Variants in BSDC1 observed in about 807,000 individuals in gnomAD.
BSDC1 encodes the protein BSD domain containing 1.
A neutral mutation model predicts 56.0 loss-of-function variants in BSDC1; 29 were observed. The observed-to-expected ratio is 0.52, with a 90% CI of 0.39 to 0.71. The LOEUF (loss-of-function observed/expected upper bound fraction) is 0.71, where lower values mean the gene tolerates loss of function less well. Among genes scored for constraint, BSDC1 ranks in the 30% least tolerant of loss-of-function variants. The pLI is 0.00. For missense variants in BSDC1, 477 were observed against 548.5 expected, an observed-to-expected ratio of 0.87 and a Z score of 1.30; for synonymous variants, 210 against 215.3, an observed-to-expected ratio of 0.98 and a Z score of 0.21.
At chr1:32,376,224 C>T (rs769959824) in intron 9 of BSDC1, 38 bp downstream of exon 9, 15 of 1,424,656 alleles carry the variant, frequency 1.1e-5, no homozygotes, top group African/African-American at 2.8e-5. Context: ...GTGGCCCTGA[C>T]CGCACACAAC....
rs1429475803 is a variant in BSDC1 at position 32,377,718 on chromosome 1, G to A, written c.676+252C>T. 6.1e-5 allele frequency among the ~76,000 whole-genome samples: 9 copies of A among 146,672 alleles called. No homozygotes were observed. In the East Asian group the frequency reaches 1.5e-3, roughly 25 times the overall value. On this transcript the variant is annotated intron_variant, in intron 8 of 10. Coordinates refer to ENST00000455895, the MANE Select transcript of BSDC1 (RefSeq NM_018045.8). ...TCAAGAAGCTCCCCAGTGACTAAGC[G>A]GCAGCTGGTTCATGGGCTGGCAGGG...
chr1:32,391,016 G>A (rs1431338666), intron 2 of BSDC1, among the ~76,000 whole-genome samples: 4 of 151,930 alleles, frequency 2.6e-5, no homozygotes, highest in Non-Finnish European at 4.4e-5. Context: ...AGTGGACAGA[G>A]CAATGGGCTG....
In BSDC1 at chr1:32,376,653, G is replaced by A. The variant is rs1642298039; in HGVS notation, c.765C>T (p.Gly255=). ...KISTFPEGEP[G]PQSPCEENLV... ...GATTCTCTTCACAGGGGCTCTGGGG[G>A]CCAGGTTCTCCTTCAGGGAATGTAG... Residue 255 remains glycine (G), a synonymous_variant, in exon 9 of 11, where the codon GGC becomes GGT. Transcript: ENST00000455895. The A allele has an allele frequency of 1.4e-6, 2 of 1,423,706 alleles. No individual in the cohort carries two copies. Among genetic ancestry groups the A allele is most frequent in the Non-Finnish European group, 9.3e-7 (1 of 1,076,558 alleles). The allele number at this position is 1,423,706 out of a possible 1,614,324, so 88.2% of individuals were successfully genotyped here.
chr1:32,368,121 C>T (rs552894786), intron 10 of BSDC1: 1 of 1,395,354 alleles, frequency 7.2e-7, no homozygotes, highest in East Asian at 2.7e-5. Flanking sequence ...ATCCTCCCAC[C>T]TTGGCCTCCC....
intron 3 of BSDC1, among the ~76,000 whole-genome samples, chr1:32,384,494 TAAAAGA>T (rs1444072305): frequency 6.6e-6 from 1 of 152,202 alleles, no homozygotes; most frequent in Non-Finnish European, 1.5e-5. Context: ...CCATGAAGAT[TAAAAGA>T]TAGGGTATGG....
At chr1:32,380,506 TGTG>T (rs1231560033) in intron 5 of BSDC1, among the ~76,000 whole-genome samples, 2 of 151,928 alleles carry the variant, frequency 1.3e-5, no homozygotes, top group Non-Finnish European at 2.9e-5. Context: ...ATTAGCCAGA[TGTG>T]GTGGCGGGCG....
chr1:32,369,130 G>T, intron 9 of BSDC1: 1 of 508,600 alleles, frequency 2.0e-6, no homozygotes, highest in Non-Finnish European at 3.2e-6. Flanking sequence ...CAGGGAATTA[G>T]ACAAGTAAAC....
intron 8 of BSDC1, 75 bp from the exon 9 acceptor site, chr1:32,376,816 G>A (rs777644112): frequency 7.1e-5 from 93 of 1,307,770 alleles, no homozygotes; most frequent in Non-Finnish European, 9.0e-5. Context: ...GAGCTCTCAA[G>A]TTCCTGCCAA....
chr1:32,382,473 A>G (rs978264027), intron 4 of BSDC1, among the ~76,000 whole-genome samples: 1 of 151,080 alleles, frequency 6.6e-6, no homozygotes, highest in Non-Finnish European at 1.5e-5. Context: ...CAAAAAAAAA[A>G]CAAAAAACAA....
At chr1:32,389,423 T>G (rs1202094632) in intron 2 of BSDC1, among the ~76,000 whole-genome samples, 2 of 152,244 alleles carry the variant, frequency 1.3e-5, no homozygotes, top group Non-Finnish European at 1.5e-5. Context: ...ATTTCAATTA[T>G]GTAACCACTT....
Position 32,377,984 on chromosome 1 carries a change from C to T in BSDC1, c.662G>A (p.Trp221Ter), listed in dbSNP as rs1318824348. 5 of 1,613,230 alleles carry T rather than the reference C, an allele frequency of 3.1e-6. No individual in the cohort carries two copies. Among genetic ancestry groups the T allele is most frequent in the Non-Finnish European group, 4.2e-6 (5 of 1,179,544 alleles). The change falls in exon 8 of 11, where the codon TGG becomes TAG. Residue 221 changes from tryptophan to a stop codon, truncating the protein, a stop_gained. Coordinates refer to ENST00000455895, the MANE Select transcript of BSDC1 (RefSeq NM_018045.8). LOFTEE classifies it high-confidence loss of function. Reference sequence around the variant, plus strand: ...ACGCCTCTTACCTTCCTCCTCCTCCCAGCCGGGCTCTTCAGAGATGCTCTG... The same window carrying T: ...ACGCCTCTTACCTTCCTCCTCCTCCTAGCCGGGCTCTTCAGAGATGCTCTG... ...AEQSISEEPG[W>*]EEEEEELMGI...
intron 3 of BSDC1, among the ~76,000 whole-genome samples, chr1:32,385,067 C>A (rs1387241340): frequency 6.6e-6 from 1 of 152,098 alleles, no homozygotes. Context: ...TAATTAATTA[C>A]AAGATAATTG....
chr1:32,372,720 T>C (rs776436787), intron 9 of BSDC1, among the ~76,000 whole-genome samples: 9 of 152,244 alleles, frequency 5.9e-5, no homozygotes, highest in Non-Finnish European at 1.3e-4. Flanking sequence ...GGAGTTCTAC[T>C]GGTTTGGTTT....
At chr1:32,369,383 T>A in intron 9 of BSDC1, 1 of 1,001,674 alleles carries the variant, frequency 1.0e-6, no homozygotes, top group Non-Finnish European at 1.4e-6. Context: ...AGTACACACC[T>A]AAGGAGTCCC....
At position 32,368,658 on chromosome 1, in the gene BSDC1, C is replaced by T. The variant is rs1641947835; in HGVS notation, c.1157-108G>A. On this transcript the variant is annotated intron_variant, in intron 9 of 10. Transcript: ENST00000455895. ...GCTTCAAAAGGGTCTCACAAATACA[C>T]AAGTCTTTACATTTTGTGTTCACTC... 2.1e-6 allele frequency: 3 copies of T among 1,450,802 alleles called. No homozygotes were observed. The South Asian group carries it at 4.0e-5, about 20-fold the overall frequency. 89.9% of individuals were successfully genotyped at this position (1,450,802 alleles called of 1,614,324 possible).
intron 4 of BSDC1, among the ~76,000 whole-genome samples, chr1:32,381,475 C>A (rs1395109175): frequency 6.6e-6 from 1 of 152,180 alleles, no homozygotes. Context: ...AGAAAAATGG[C>A]CTTTCACCCA....
chr1:32,392,457 A>C (rs1362331049), intron 2 of BSDC1, among the ~76,000 whole-genome samples: 1 of 150,888 alleles, frequency 6.6e-6, no homozygotes, highest in Admixed American at 6.6e-5. Flanking sequence ...CCCCCACCCC[A>C]GCTTTTAACT....
chr1:32,378,889 A>C lies in BSDC1; in HGVS notation c.413-50T>G. On this transcript the variant is annotated intron_variant, in intron 5 of 10. Coordinates refer to ENST00000455895, the MANE Select transcript of BSDC1 (RefSeq NM_018045.8). The surrounding 1 kb of genome is among the most constrained non-coding windows in gnomAD (Gnocchi z 5.2). ...TCAGTTGCCTTGGTCTGGGAAAAGAACACTGGGCTTACAGAACATATCTAA... is the reference window on the plus strand; with the variant it reads ...TCAGTTGCCTTGGTCTGGGAAAAGACCACTGGGCTTACAGAACATATCTAA... The C allele has an allele frequency of 8.0e-7, 1 of 1,246,650 alleles. No homozygotes were observed. The highest frequency in any genetic ancestry group is 1.7e-5 in the South Asian group (1 of 60,554). 77.2% of individuals were successfully genotyped at this position (1,246,650 alleles called of 1,614,324 possible). A position where few individuals can be genotyped will look rare whatever the true frequency, so the allele number is the denominator to read the frequency against.
chr1:32,390,805 G>C (rs1395687497), intron 2 of BSDC1, among the ~76,000 whole-genome samples: 5 of 152,042 alleles, frequency 3.3e-5, no homozygotes, highest in Admixed American at 3.3e-4. Flanking sequence ...CAGCTACTTG[G>C]GGGCCTGAGG....
Sources: allele counts gnomAD v4.1 joint callset (sites outside exome capture counted in the v4.1 genomes callset), GRCh38; gene constraint gnomAD v4.1.1; non-coding constraint Gnocchi (gnomAD v3.1); transcripts MANE v1.5; gene names NCBI Gene and HGNC (gene_info 2026-07-23, HGNC 2026-07-21).